Variants in PARN observed in about 807,000 individuals in gnomAD.
PARN encodes poly(A)-specific ribonuclease.
In PARN, 71 loss-of-function variants were observed where a neutral mutation model predicts 102.8. The observed-to-expected ratio is 0.69, with a 90% CI of 0.57 to 0.84. The LOEUF is 0.84. Among genes scored for constraint, PARN ranks in the 40% least tolerant of loss-of-function variants. The pLI is 0.00. For missense variants in PARN, 782 were observed against 760.9 expected (o/e 1.03, Z -0.33); for synonymous variants, 261 against 252.9 (o/e 1.03, Z -0.30).
rs185222095 is a variant in PARN at position 14,455,292 on chromosome 16, T to C, written c.1671-8211A>G. Among the ~76,000 whole-genome samples the C allele has an allele frequency of 7.2e-5, 11 of 152,338 alleles. No homozygotes were observed. In the East Asian group the frequency reaches 2.1e-3, roughly 29 times the overall value. ...TACGGCTTCATATAAGCCCAATTCCTTTCCTAGTGTTGAAAATATTTTGTC... is the reference window on the plus strand; with the variant it reads ...TACGGCTTCATATAAGCCCAATTCCCTTCCTAGTGTTGAAAATATTTTGTC... On this transcript the variant is annotated intron_variant, in intron 22 of 23. Transcript: ENST00000437198.
At chr16:14,441,771 C>T (rs1457805906) in intron 23 of PARN, among the ~76,000 whole-genome samples, 2 of 152,228 alleles carry the variant, frequency 1.3e-5, no homozygotes, top group South Asian at 2.1e-4. Context: ...GGAGGCCGCT[C>T]GGCTGCCTCA....
chr16:14,477,356 TCC>T (rs1472267845), intron 22 of PARN, among the ~76,000 whole-genome samples: 3 of 145,668 alleles, frequency 2.1e-5, no homozygotes, highest in East Asian at 2.1e-4. Flanking sequence ...CAGGAGAATC[TCC>T]TGAACCAGGG....
chr16:14,579,948 A>G (rs1472784242), intron 18 of PARN, among the ~76,000 whole-genome samples: 3 of 151,150 alleles, frequency 2.0e-5, no homozygotes, highest in Non-Finnish European at 4.4e-5. Flanking sequence ...TGCACTCCAC[A>G]TTGCAGCCTG....
chr16:14,506,808 T>C (rs1964917112), intron 21 of PARN, among the ~76,000 whole-genome samples: 1 of 151,830 alleles, frequency 6.6e-6, no homozygotes, highest in African/African-American at 2.4e-5. Flanking sequence ...TTGGCCAATA[T>C]AGTGAGATCT....
At chr16:14,568,214 CTTTT>C (rs543071760) in intron 18 of PARN, among the ~76,000 whole-genome samples, 3 of 139,454 alleles carry the variant, frequency 2.2e-5, no homozygotes, top group Admixed American at 1.4e-4. Flanking sequence ...TTATTTTTAC[CTTTT>C]TTTTTTTTTT....
intron 21 of PARN, among the ~76,000 whole-genome samples, chr16:14,484,522 C>A (rs1963555001): frequency 6.6e-6 from 1 of 152,310 alleles, no homozygotes; most frequent in East Asian, 1.9e-4. Flanking sequence ...ACCTAGAAAA[C>A]CCCTGGATAT....
chr16:14,614,411 G>T (rs912888096), intron 6 of PARN, among the ~76,000 whole-genome samples: 1 of 152,200 alleles, frequency 6.6e-6, no homozygotes, highest in Admixed American at 6.5e-5. Context: ...TATCCTTGAG[G>T]ATACTAAAGT....
At chr16:14,620,741 G>T (rs1972243581) in intron 5 of PARN, among the ~76,000 whole-genome samples, 1 of 152,054 alleles carries the variant, frequency 6.6e-6, no homozygotes, top group East Asian at 1.9e-4. Context: ...CTCTATTCTG[G>T]GGAAAGCTAT....
At chr16:14,437,399 C>A (rs1185266760) in intron 23 of PARN, among the ~76,000 whole-genome samples, 2 of 152,218 alleles carry the variant, frequency 1.3e-5, no homozygotes. Flanking sequence ...AATATCTCAA[C>A]AGGGGCAAAA....
intron 21 of PARN, among the ~76,000 whole-genome samples, chr16:14,537,942 TTGAA>T (rs1325694687): frequency 6.6e-6 from 1 of 152,088 alleles, no homozygotes; most frequent in African/African-American, 2.4e-5. Flanking sequence ...AGAGAGAAGT[TTGAA>T]TGTTCACAAC....
intron 21 of PARN, among the ~76,000 whole-genome samples, chr16:14,485,611 T>A (rs898886946): frequency 3.3e-5 from 5 of 152,184 alleles, no homozygotes; most frequent in Non-Finnish European, 4.4e-5. Flanking sequence ...TCTGTACCAA[T>A]TGTTAACCAA....
chr16:14,567,716 G>T (rs1023495238), intron 18 of PARN, among the ~76,000 whole-genome samples: 1 of 152,154 alleles, frequency 6.6e-6, no homozygotes, highest in Admixed American at 6.5e-5. Flanking sequence ...GGTGCTTCTG[G>T]GAAAGGGATG....
At chr16:14,604,979 G>C (rs1971097003) in intron 10 of PARN, among the ~76,000 whole-genome samples, 1 of 150,268 alleles carries the variant, frequency 6.7e-6, no homozygotes, top group East Asian at 2.0e-4. Flanking sequence ...CACTCCCATT[G>C]CTCAGGCTGG....
chr16:14,617,750 G>A lies in PARN; in HGVS notation c.328-100C>T, dbSNP rs542016552. The A allele has an allele frequency of 6.0e-5, 45 of 755,784 alleles. No homozygotes were observed. The African/African-American group carries it at 6.2e-4, about 10-fold the overall frequency. 46.8% of individuals were successfully genotyped at this position (755,784 alleles called of 1,614,324 possible). A position where few individuals can be genotyped will look rare whatever the true frequency, so the allele number is the denominator to read the frequency against. ...TCAAACAAGAAAACAAAGACAATAT[G>A]GGAAGGAAGCGATGTGCCAGAGGTC... On this transcript the variant is annotated intron_variant, in intron 5 of 23. Coordinates refer to ENST00000437198, the MANE Select transcript of PARN (RefSeq NM_002582.4).
intron 22 of PARN, among the ~76,000 whole-genome samples, chr16:14,462,810 T>A (rs1408654688): frequency 6.6e-6 from 1 of 152,176 alleles, no homozygotes; most frequent in African/African-American, 2.4e-5. Flanking sequence ...TAGACTGATT[T>A]ACCTACCCAG....
At chr16:14,478,793 T>C (rs1209228384) in intron 22 of PARN, among the ~76,000 whole-genome samples, 1 of 152,230 alleles carries the variant, frequency 6.6e-6, no homozygotes, top group African/African-American at 2.4e-5. Context: ...TATATTTCTT[T>C]TTTTTGAGAT....
At chr16:14,583,184 A>G (rs1379518713) in intron 16 of PARN, among the ~76,000 whole-genome samples, 1 of 152,256 alleles carries the variant, frequency 6.6e-6, no homozygotes, top group Non-Finnish European at 1.5e-5. Context: ...TATAAGAGGA[A>G]TGACCTGCTT....
chr16:14,463,838 T>TG (rs145797278), intron 22 of PARN, among the ~76,000 whole-genome samples: 22,930 of 94,396 alleles, frequency 0.24, 3,987 homozygotes, highest in Non-Finnish European at 0.37. Flanking sequence ...CTTTTTTTTT[T>TG]GGGGGGGGGG....
intron 12 of PARN, among the ~76,000 whole-genome samples, chr16:14,599,604 C>T (rs1478746929): frequency 6.6e-6 from 1 of 152,120 alleles, no homozygotes; most frequent in African/African-American, 2.4e-5. Flanking sequence ...TCTTTTTCGA[C>T]TTCTTACTGG....
Sources: allele counts gnomAD v4.1 joint callset (sites outside exome capture counted in the v4.1 genomes callset), GRCh38; gene constraint gnomAD v4.1.1; transcripts MANE v1.5; gene names NCBI Gene and HGNC (gene_info 2026-07-23, HGNC 2026-07-21).